SHROOM3: variants seen among roughly 807,000 people sequenced by gnomAD.
SHROOM3 encodes the protein protein Shroom3.
Under a neutral mutation model 138.6 loss-of-function variants are expected in SHROOM3, and 47 were observed. That is an observed-to-expected ratio of 0.34 (90% CI 0.27 to 0.43). The LOEUF is 0.43. SHROOM3 is among the 20% of genes least tolerant of loss of function. The pLI is 1.00. For missense variants in SHROOM3, 2,491 were observed against 2,596.5 expected, an observed-to-expected ratio of 0.96 and a Z score of 0.88; for synonymous variants, 1,062 against 1,063.3, an observed-to-expected ratio of 1.00 and a Z score of 0.02.
intron 2 of SHROOM3, among the ~76,000 whole-genome samples, chr4:76,565,729 GTA>G (rs1204570741): frequency 1.3e-5 from 2 of 152,122 alleles, no homozygotes; most frequent in African/African-American, 4.8e-5. Flanking sequence ...ACCTCCCAGA[GTA>G]TTGGGATTAC....
rs72661460 is a variant in SHROOM3, at chr4:76,634,042, C to T, written c.324-76114C>T. ...AATCTGTGTGCCAGTAGAGCCCATA[C>T]TAATGGAGTGCTAGTCCTCAATATT... On this transcript the variant is annotated intron_variant, in intron 2 of 10. Transcript: ENST00000296043. Among the ~76,000 whole-genome samples the T allele has an allele frequency of 2.2e-3, 337 of 152,302 alleles. 2 individuals carry two copies. The highest frequency in any genetic ancestry group is 3.8e-3 in the Non-Finnish European group (258 of 68,030).
intron 3 of SHROOM3, among the ~76,000 whole-genome samples, chr4:76,724,719 G>C (rs940702129): frequency 2.0e-5 from 3 of 152,092 alleles, no homozygotes; most frequent in Non-Finnish European, 1.5e-5. Flanking sequence ...TCTTTCCAGT[G>C]TAACAATATA....
At chr4:76,473,127 A>G (rs193071370) in intron 1 of SHROOM3, among the ~76,000 whole-genome samples, 5 of 152,390 alleles carry the variant, frequency 3.3e-5, no homozygotes, top group East Asian at 1.9e-4. Flanking sequence ...ATTTATCAGT[A>G]AGAAAAAAAG....
chr4:76,609,748 A>G (rs1337029897), intron 2 of SHROOM3, among the ~76,000 whole-genome samples: 1 of 152,196 alleles, frequency 6.6e-6, no homozygotes, highest in Admixed American at 6.5e-5. Context: ...GTGCCCATCC[A>G]CCACTTCCTA....
chr4:76,699,512 C>T (rs180701418), intron 2 of SHROOM3, among the ~76,000 whole-genome samples: 1 of 152,284 alleles, frequency 6.6e-6, no homozygotes, highest in African/African-American at 2.4e-5. Flanking sequence ...CAGAGACGGC[C>T]TTGTGCAGGT....
intron 1 of SHROOM3, among the ~76,000 whole-genome samples, chr4:76,449,937 G>A (rs996680462): frequency 6.6e-6 from 1 of 152,190 alleles, no homozygotes; most frequent in Non-Finnish European, 1.5e-5. Context: ...AGGAAGATAA[G>A]TGTTTTACTC....
At chr4:76,761,948 T>C (rs928947397) in intron 9 of SHROOM3, among the ~76,000 whole-genome samples, 4 of 152,172 alleles carry the variant, frequency 2.6e-5, no homozygotes, top group Admixed American at 6.5e-5. Flanking sequence ...AGTTGGAGTT[T>C]ACCGTTTAAC....
At chr4:76,569,177 G>C (rs951101975) in intron 2 of SHROOM3, among the ~76,000 whole-genome samples, 1 of 152,186 alleles carries the variant, frequency 6.6e-6, no homozygotes, top group Non-Finnish European at 1.5e-5. Context: ...AGATCCAACC[G>C]AGGAGGGTTT....
At chr4:76,530,964 C>T (rs774321141) in intron 1 of SHROOM3, among the ~76,000 whole-genome samples, 1 of 152,152 alleles carries the variant, frequency 6.6e-6, no homozygotes, top group Non-Finnish European at 1.5e-5. Flanking sequence ...CCCAGATTGT[C>T]CTAGGGTACA....
At chr4:76,650,284 T>A (rs775497142) in intron 2 of SHROOM3, among the ~76,000 whole-genome samples, 3 of 152,120 alleles carry the variant, frequency 2.0e-5, no homozygotes, top group Admixed American at 6.6e-5. Flanking sequence ...AGACAGGCAA[T>A]GACAAATGCT....
intron 1 of SHROOM3, among the ~76,000 whole-genome samples, chr4:76,537,785 G>A (rs1200060805): frequency 2.6e-5 from 4 of 152,256 alleles, no homozygotes; most frequent in South Asian, 2.1e-4. Context: ...CTATTCTGCC[G>A]CCTTGCTCCA....
At chr4:76,588,464 G>A (rs753721045) in intron 2 of SHROOM3, among the ~76,000 whole-genome samples, 15 of 152,250 alleles carry the variant, frequency 9.9e-5, no homozygotes, top group Middle Eastern at 3.4e-3. Flanking sequence ...ACACAATGGG[G>A]CACAAGAAAG....
At chr4:76,648,405 C>T (rs897698743) in intron 2 of SHROOM3, among the ~76,000 whole-genome samples, 6 of 152,124 alleles carry the variant, frequency 3.9e-5, no homozygotes, top group Admixed American at 2.0e-4. Flanking sequence ...CCTGTGGTAC[C>T]AAATATTGTG....
intron 3 of SHROOM3, chr4:76,716,207 C>T: frequency 2.2e-6 from 1 of 449,052 alleles, no homozygotes. Context: ...CATTGAGAGT[C>T]CCTCCCACTT....
chr4:76,681,916 A>G (rs747183796), intron 2 of SHROOM3, among the ~76,000 whole-genome samples: 32 of 152,032 alleles, frequency 2.1e-4, no homozygotes, highest in Admixed American at 6.6e-4. Flanking sequence ...GGACTGAGTC[A>G]GTTCTCCGGA....
chr4:76,757,113 T>TA, intron 8 of SHROOM3, 176 bp downstream of exon 8: 1 of 858,946 alleles, frequency 1.2e-6, no homozygotes, highest in Non-Finnish European at 1.8e-6. Flanking sequence ...GTGGGACAGA[T>TA]ATGCAACAAC....
chr4:76,669,604 C>CA (rs553788313), intron 2 of SHROOM3, among the ~76,000 whole-genome samples: 2,076 of 124,740 alleles, frequency 0.017, 24 homozygotes, highest in African/African-American at 0.042. Context: ...AACTCTGTCT[C>CA]AAAAAAAAAA....
At chr4:76,659,882 T>G (rs1736146469) in intron 2 of SHROOM3, among the ~76,000 whole-genome samples, 1 of 152,176 alleles carries the variant, frequency 6.6e-6, no homozygotes, top group African/African-American at 2.4e-5. Flanking sequence ...GCACCCAGCC[T>G]GAGAAAACTT....
chr4:76,741,401 C>G lies in SHROOM3; in HGVS notation c.3228C>G (p.Pro1076=). 6.2e-7 allele frequency: 1 copy of G among 1,600,424 alleles called. No individual in the cohort carries two copies. The highest frequency in any genetic ancestry group is 8.5e-7 in the Non-Finnish European group (1 of 1,174,546). Residue 1076 remains proline, a synonymous_variant, in exon 5 of 11, where the codon CCC becomes CCG. Transcript: ENST00000296043. This position sits in a 1 kb window ranked among gnomAD's most constrained non-coding sequence, Gnocchi z 6.2. ...KACSTLSLSG[P]ELKQFQQSAL... is the part of the protein sequence containing the mutation. ...GCTCCACGCTCAGCCTGTCGGGGCC[C>G]GAGCTGAAGCAGTTCCAGCAGAGCG...
Sources: allele counts gnomAD v4.1 joint callset (sites outside exome capture counted in the v4.1 genomes callset), GRCh38; gene constraint gnomAD v4.1.1; non-coding constraint Gnocchi (gnomAD v3.1); transcripts MANE v1.5; gene names NCBI Gene and HGNC (gene_info 2026-07-23, HGNC 2026-07-21).